The following ZSCAN31 variants were observed in gnomAD, a reference collection of about 807,000 sequenced individuals.
ZSCAN31 encodes zinc finger and SCAN domain containing 31.
A neutral mutation model predicts 22.5 loss-of-function variants in ZSCAN31; 14 were observed. That is an observed-to-expected ratio of 0.62 (90% CI 0.41 to 0.97). The LOEUF is 0.97. Among genes scored for constraint, ZSCAN31 ranks in the 50% least tolerant of loss-of-function variants. The probability of loss-of-function intolerance (pLI) is 0.00; values close to 1 mark genes in which losing one functional copy is unlikely to be tolerated. For synonymous variants in ZSCAN31, 168 were observed against 169.8 expected (o/e 0.99, Z 0.08); for missense variants, 424 against 483.4 (o/e 0.88, Z 1.15).
At chr6:28,337,049 C>T (rs1248102188), upstream of ZSCAN31, 35 of 152,182 alleles carry the variant, frequency 2.3e-4, no homozygotes, top group Admixed American at 2.2e-3. Context: ...GCCTCTGGAA[C>T]ATGCTAAGTA....
Position 28,351,518 on chromosome 6 carries a change from G to T in ZSCAN31, c.-371+2344C>A, listed in dbSNP as rs1765012702. Among the ~76,000 whole-genome samples, 1 of 152,160 alleles carries T rather than the reference G, an allele frequency of 6.6e-6. No individual in the cohort carries two copies. The highest frequency in any genetic ancestry group is 2.4e-5 in the African/African-American group (1 of 41,442). ...ATTTAAACACATTTAATTGTAGAGA[G>T]AATGTTACAATGAACACCAATATAA... On this transcript the variant is annotated intron_variant, in intron 2 of 7. Coordinates refer to the ZSCAN31 transcript ENST00000396838. This position sits in a 1 kb window ranked among gnomAD's most constrained non-coding sequence, Gnocchi z 4.6.
chr6:28,338,356 G>A (rs1387741322), upstream of ZSCAN31, among the ~76,000 whole-genome samples: 5 of 152,158 alleles, frequency 3.3e-5, no homozygotes, highest in South Asian at 2.1e-4. Context: ...GCACTCCAGC[G>A]TGGCTGACAG....
intron 2 of ZSCAN31, among the ~76,000 whole-genome samples, chr6:28,350,564 C>A (rs1178467150): frequency 6.6e-6 from 1 of 152,084 alleles, no homozygotes; most frequent in Non-Finnish European, 1.5e-5. Flanking sequence ...GATAATATTC[C>A]CTAACTCACT....
chr6:28,339,588 T>A (rs1764334956), upstream of ZSCAN31, among the ~76,000 whole-genome samples: 1 of 152,230 alleles, frequency 6.6e-6, no homozygotes, highest in Non-Finnish European at 1.5e-5. Flanking sequence ...ACGCCTAGCC[T>A]CCATTAATTT....
Position 28,329,303 on chromosome 6 carries a change from C to T in ZSCAN31, c.381G>A (p.Gln127=). The change falls in exon 2 of 4, where the codon CAG becomes CAA. Residue 127 remains glutamine (Q), a splice_region_variant and synonymous_variant. Transcript: ENST00000344279. ...LEQELSEPGN[Q]APDHEHGHSE... The stretch of plus-strand genomic sequence containing the variant: ...TAGAAGTCCATCTTTCTCCTCTCAC[C>T]TGGTTCCCTGGCTCACTAAGCTCTT... 1 of 1,570,098 alleles carries T rather than the reference C, an allele frequency of 6.4e-7. No individual in the cohort carries two copies. Among genetic ancestry groups the T allele is most frequent in the South Asian group, 1.2e-5 (1 of 83,420 alleles).
At chr6:28,352,653 A>G (rs1441141766) in intron 2 of ZSCAN31, among the ~76,000 whole-genome samples, 1 of 152,164 alleles carries the variant, frequency 6.6e-6, no homozygotes, top group Non-Finnish European at 1.5e-5. Context: ...TTGCTCCTAT[A>G]TTTCACCTGT....
rs1472050690 is a variant in ZSCAN31, at chr6:28,351,678, T to C, written c.-371+2184A>G. ...TCCTTCCCTTTTACTTCCTCCCTCT[T>C]TCCCTCTCTCCTTTCTTTCCCTCTC... On this transcript the variant is annotated intron_variant, in intron 2 of 7. Coordinates refer to the ZSCAN31 transcript ENST00000396838. The surrounding 1 kb of genome is among the most constrained non-coding windows in gnomAD (Gnocchi z 4.6). Among the ~76,000 whole-genome samples, 1 of 151,572 alleles carries C rather than the reference T, an allele frequency of 6.6e-6. No individual in the cohort carries two copies. The highest frequency in any genetic ancestry group is 1.5e-5 in the Non-Finnish European group (1 of 67,870).
chr6:28,326,869 G>C lies in ZSCAN31; in HGVS notation c.533-15C>G, dbSNP rs1763323225. On this transcript the variant is annotated splice_polypyrimidine_tract_variant and intron_variant, in intron 3 of 3. Coordinates refer to ENST00000344279, the MANE Select transcript of ZSCAN31 (RefSeq NM_030899.5). ...ACTTTCACCATCTGGAATAATAAAT[G>C]GACCAAACAATGTAATCTCTTTCCT... 1 of 1,583,570 alleles carries C rather than the reference G, an allele frequency of 6.3e-7. No individual in the cohort carries two copies. Among genetic ancestry groups the C allele is most frequent in the Non-Finnish European group, 8.6e-7 (1 of 1,162,360 alleles).
upstream of ZSCAN31, among the ~76,000 whole-genome samples, chr6:28,338,988 T>C (rs1764306356): frequency 6.6e-6 from 1 of 152,246 alleles, no homozygotes; most frequent in African/African-American, 2.4e-5. Flanking sequence ...CATTAACTAG[T>C]TGGTCTTAGA....
intron 2 of ZSCAN31, among the ~76,000 whole-genome samples, chr6:28,346,948 A>G (rs1407707843): frequency 6.6e-6 from 1 of 152,184 alleles, no homozygotes; most frequent in Non-Finnish European, 1.5e-5. Context: ...TCCATTTCTT[A>G]CTATACCAAA....
chr6:28,343,048 G>A (rs374460067), intron 2 of ZSCAN31, among the ~76,000 whole-genome samples: 4 of 152,296 alleles, frequency 2.6e-5, no homozygotes, highest in East Asian at 3.9e-4. Context: ...GTGGCCCCCT[G>A]TTAGGATGTG....
At chr6:28,352,833 C>T (rs976208994) in intron 2 of ZSCAN31, among the ~76,000 whole-genome samples, 1 of 152,178 alleles carries the variant, frequency 6.6e-6, no homozygotes. Flanking sequence ...TCCTAATTTC[C>T]TTCTATTCCC....
chr6:28,340,539 T>C (rs2113849098), upstream of ZSCAN31, among the ~76,000 whole-genome samples: 1 of 152,358 alleles, frequency 6.6e-6, no homozygotes, highest in Non-Finnish European at 1.5e-5. Flanking sequence ...TCTGCCATGA[T>C]TGTAAGTTTC....
At chr6:28,330,537 G>C (rs1160551659) in intron 1 of ZSCAN31, among the ~76,000 whole-genome samples, 1 of 152,108 alleles carries the variant, frequency 6.6e-6, no homozygotes, top group Admixed American at 6.5e-5. Flanking sequence ...ATGCTCATTG[G>C]AGCATTTCAT....
At position 28,329,591 on chromosome 6, in the gene ZSCAN31, G is replaced by A. The variant is rs41269297; in HGVS notation, c.93C>T (p.Asn31=). 64,877 of 1,614,198 alleles carry A rather than the reference G, an allele frequency of 0.04. 1,565 individuals are homozygous for A. Among genetic ancestry groups the A allele is most frequent in the Middle Eastern group, 0.062 (376 of 6,062 alleles). ...WDQETHLRGN[N]FSGQEASRQL... ...GTCGGGAGGCTTCTTGGCCAGAAAA[G>A]TTGTTCCCTCGAAGGTGGGTTTCTT... is the stretch of plus-strand genomic sequence containing the variant. Residue 31 remains asparagine, a synonymous_variant, in exon 2 of 4, where the codon AAC becomes AAT. Coordinates refer to ENST00000344279, the MANE Select transcript of ZSCAN31 (RefSeq NM_030899.5).
In ZSCAN31 at chr6:28,349,139, CATATATAGGTGTATATATATGTCTCATAT is replaced by C. The variant is rs1764792654; in HGVS notation, c.-371+4694_-371+4722del. ...TATACATAGGTGTATATATATGTCTCATATATAGGTGTATATATATGTCTCATATATATAGGTGTATATATATGTCTCAT... is the reference window on the plus strand; with the variant it reads ...TATACATAGGTGTATATATATGTCTCATATAGGTGTATATATATGTCTCAT... On this transcript the variant is annotated intron_variant, in intron 2 of 7. Transcript: ENST00000396838. The surrounding 1 kb of genome is among the most constrained non-coding windows in gnomAD (Gnocchi z 4.1). 2.1e-5 allele frequency among the ~76,000 whole-genome samples: 2 copies of C among 95,814 alleles called. No homozygotes were observed. The highest frequency in any genetic ancestry group is 2.8e-4 in the East Asian group (1 of 3,560). 62.9% of individuals were successfully genotyped at this position (95,814 alleles called of 152,430 possible).
chr6:28,350,890 C>G (rs1186496584), intron 2 of ZSCAN31, among the ~76,000 whole-genome samples: 1 of 152,114 alleles, frequency 6.6e-6, no homozygotes, highest in Non-Finnish European at 1.5e-5. Flanking sequence ...GTACCTTTTC[C>G]TTGGCTGGAG....
rs1764800542 is a variant in ZSCAN31, at chr6:28,349,179, ATATATATGT to A, written c.-371+4674_-371+4682del. Among the ~76,000 whole-genome samples the A allele has an allele frequency of 5.3e-5, 3 of 56,102 alleles. No homozygotes were observed. The highest frequency in any genetic ancestry group is 8.7e-5 in the Non-Finnish European group (3 of 34,600). 36.8% of individuals were successfully genotyped at this position (56,102 alleles called of 152,430 possible). A position where few individuals can be genotyped will look rare whatever the true frequency, so the allele number is the denominator to read the frequency against. ...ATATATGTCTCATATATATAGGTGT[ATATATATGT>A]CTCATATATATAGGTGTATATATAT... On this transcript the variant is annotated intron_variant, in intron 2 of 7. Transcript: ENST00000396838. The surrounding 1 kb of genome is among the most constrained non-coding windows in gnomAD (Gnocchi z 4.1).
chr6:28,328,864 T>A (rs1763515123), intron 2 of ZSCAN31, among the ~76,000 whole-genome samples: 1 of 152,224 alleles, frequency 6.6e-6, no homozygotes, highest in Non-Finnish European at 1.5e-5. Flanking sequence ...CTTCACAATC[T>A]ACATTCTTCT....
Sources: allele counts gnomAD v4.1 joint callset (sites outside exome capture counted in the v4.1 genomes callset), GRCh38; gene constraint gnomAD v4.1.1; non-coding constraint Gnocchi (gnomAD v3.1); transcripts MANE v1.5; gene names NCBI Gene and HGNC (gene_info 2026-07-23, HGNC 2026-07-21).